Variants in BABAM2 observed in about 807,000 individuals in gnomAD.
BABAM2 encodes the protein BRISC and BRCA1-A complex member 2.
Under a neutral mutation model 54.7 loss-of-function variants are expected in BABAM2, and 31 were observed. The ratio of observed to expected loss-of-function variants is 0.57; its 90% confidence interval spans 0.43 to 0.77. The LOEUF (loss-of-function observed/expected upper bound fraction) is 0.77. Ranked by LOEUF, BABAM2 falls within the 30% of genes least tolerant of loss-of-function variation. BABAM2 has a pLI of 0.00. For synonymous variants in BABAM2, 167 were observed against 162.9 expected (o/e 1.03, Z -0.19); for missense variants, 364 against 455.8 (o/e 0.80, Z 1.83).
At chr2:28,131,421 C>T (rs1208654666) in intron 7 of BABAM2, among the ~76,000 whole-genome samples, 3 of 151,406 alleles carry the variant, frequency 2.0e-5, no homozygotes, top group South Asian at 4.2e-4. Context: ...TATTAGTAAG[C>T]GATCAGTGGA....
intron 6 of BABAM2, among the ~76,000 whole-genome samples, chr2:28,074,671 A>G (rs1664491521): frequency 6.6e-6 from 1 of 152,062 alleles, no homozygotes; most frequent in Non-Finnish European, 1.5e-5. Flanking sequence ...CTTTCTCACT[A>G]TCTTTTTTCT....
intron 4 of BABAM2, among the ~76,000 whole-genome samples, chr2:27,989,405 A>G (rs990787017): frequency 6.6e-6 from 1 of 152,208 alleles, no homozygotes; most frequent in African/African-American, 2.4e-5. Context: ...GGTATGACAA[A>G]GAGTATTTCA....
intron 4 of BABAM2, among the ~76,000 whole-genome samples, chr2:28,003,845 A>G (rs1447027942): frequency 1.3e-5 from 2 of 152,222 alleles, no homozygotes; most frequent in Non-Finnish European, 1.5e-5. Context: ...GTGGAGGCCA[A>G]AATGACCAAG....
Position 27,980,451 on chromosome 2 carries a change from G to A in BABAM2, c.206-7542G>A, listed in dbSNP as rs558093040. Among the ~76,000 whole-genome samples the A allele has an allele frequency of 2.0e-5, 3 of 152,252 alleles. No individual in the cohort carries two copies. The South Asian group carries it at 6.2e-4, about 32-fold the overall frequency. ...CCAGGTGTCCAGTATGCACATCTGT[G>A]CGTTGTGGGTTTTTAATAAATGTTC... On this transcript the variant is annotated intron_variant, in intron 3 of 11. Transcript: ENST00000379624.
At chr2:28,067,999 T>C (rs1663770750) in intron 6 of BABAM2, among the ~76,000 whole-genome samples, 1 of 152,204 alleles carries the variant, frequency 6.6e-6, no homozygotes, top group Admixed American at 6.5e-5. Flanking sequence ...AATGATAATG[T>C]AGATGAGTTC....
chr2:28,071,532 G>A (rs768554169), intron 6 of BABAM2, among the ~76,000 whole-genome samples: 8 of 152,238 alleles, frequency 5.3e-5, no homozygotes, highest in South Asian at 2.1e-4. Flanking sequence ...TGTTTATTGC[G>A]GTGGTAGTAG....
chr2:28,255,046 A>T (rs1683850749), intron 10 of BABAM2, among the ~76,000 whole-genome samples: 1 of 151,704 alleles, frequency 6.6e-6, no homozygotes, highest in Admixed American at 6.6e-5. Context: ...CCAGATAAGG[A>T]TTTTTTAAAA....
intron 7 of BABAM2, among the ~76,000 whole-genome samples, chr2:28,182,970 G>C (rs1376742815): frequency 6.6e-6 from 1 of 152,136 alleles, no homozygotes; most frequent in East Asian, 1.9e-4. Flanking sequence ...TTACAAGATA[G>C]ACCAAAGCCC....
Position 28,132,399 on chromosome 2 carries a change from A to G in BABAM2, c.680+3019A>G, listed in dbSNP as rs112301260. 9.2e-3 allele frequency among the ~76,000 whole-genome samples: 1,394 copies of G among 152,108 alleles called. 7 individuals are homozygous for G. Among genetic ancestry groups the G allele is most frequent in the Middle Eastern group, 0.024 (7 of 294 alleles). On this transcript the variant is annotated intron_variant, in intron 7 of 11. Transcript: ENST00000379624. The stretch of plus-strand genomic sequence containing the variant: ...GTGATCCACCCACCTCGGCCTCCCA[A>G]AGTGCTGAGATTACAGGCGTGAGCC...
At chr2:27,985,413 C>T (rs962747783) in intron 3 of BABAM2, among the ~76,000 whole-genome samples, 1 of 151,994 alleles carries the variant, frequency 6.6e-6, no homozygotes, top group African/African-American at 2.4e-5. Context: ...TGATTATGGC[C>T]ATTCTTGCAT....
chr2:28,075,194 C>A (rs1664543198), intron 6 of BABAM2, among the ~76,000 whole-genome samples: 1 of 152,156 alleles, frequency 6.6e-6, no homozygotes, highest in Non-Finnish European at 1.5e-5. Context: ...AACAAGCAAG[C>A]CTTTTTCCTT....
At chr2:28,171,396 C>G (rs756228131) in intron 7 of BABAM2, among the ~76,000 whole-genome samples, 10 of 152,148 alleles carry the variant, frequency 6.6e-5, no homozygotes, top group East Asian at 1.9e-4. Context: ...GATCTACTTT[C>G]AGGAATGGTT....
chr2:28,025,377 A>G lies in BABAM2; in HGVS notation c.452A>G (p.Tyr151Cys), dbSNP rs1474155425. 2 of 1,583,614 alleles carry G rather than the reference A, an allele frequency of 1.3e-6. No individual in the cohort carries two copies. Among genetic ancestry groups the G allele is most frequent in the African/African-American group, 2.7e-5 (2 of 73,006 alleles). Residue 151 changes from tyrosine to cysteine, a missense_variant, in exon 5 of 12, where the codon TAT becomes TGT. Tyr to Cys is a radical substitution (Grantham distance 194). Coordinates refer to ENST00000379624, the MANE Select transcript of BABAM2 (RefSeq NM_199191.3). The stretch of plus-strand genomic sequence containing the variant: ...CAGACATTACTGGAGGAGCCACAGT[A>G]TGGAGAGAACATGGAAATTTATGCT... Reference protein sequence around the residue: ...EYQTLLEEPQYGENMEIYAGK... With the variant: ...EYQTLLEEPQCGENMEIYAGK...
At chr2:27,944,857 A>C (rs1329165765) in intron 3 of BABAM2, among the ~76,000 whole-genome samples, 1 of 152,078 alleles carries the variant, frequency 6.6e-6, no homozygotes, top group Non-Finnish European at 1.5e-5. Context: ...ATGAGGTTCT[A>C]GTTCTTTTAC....
intron 2 of BABAM2, among the ~76,000 whole-genome samples, chr2:27,905,615 GTT>G (rs1666135485): frequency 2.6e-5 from 4 of 152,144 alleles, no homozygotes; most frequent in Admixed American, 6.5e-5. Flanking sequence ...ATTTCACTGT[GTT>G]ATTGTTGTCA....
chr2:28,207,087 T>A (rs886530128), intron 7 of BABAM2, among the ~76,000 whole-genome samples: 1 of 152,224 alleles, frequency 6.6e-6, no homozygotes, highest in Non-Finnish European at 1.5e-5. Context: ...TCGTTCAGAC[T>A]CCAAGTCTGA....
chr2:28,007,246 G>T (rs1045764431), intron 4 of BABAM2, among the ~76,000 whole-genome samples: 1 of 151,996 alleles, frequency 6.6e-6, no homozygotes, highest in Non-Finnish European at 1.5e-5. Context: ...TACTATGGAT[G>T]CATATATATG....
intron 11 of BABAM2, among the ~76,000 whole-genome samples, chr2:28,313,069 G>C (rs1024896640): frequency 1.3e-5 from 2 of 152,180 alleles, no homozygotes; most frequent in African/African-American, 4.8e-5. Context: ...CCTGCACCAC[G>C]TACACATCCA....
intron 2 of BABAM2, among the ~76,000 whole-genome samples, chr2:27,906,395 A>G (rs1485373964): frequency 6.6e-6 from 1 of 152,216 alleles, no homozygotes; most frequent in Admixed American, 6.5e-5. Context: ...TTTTGTGATC[A>G]TAATAGTATA....
Sources: gnomAD v4.1 joint callset for allele counts (sites outside exome capture counted in the v4.1 genomes callset) on GRCh38, gnomAD v4.1.1 for gene constraint, MANE v1.5 for transcripts, NCBI Gene and HGNC (gene_info 2026-07-23, HGNC 2026-07-21) for gene names.